The following STAG1 variants were observed in gnomAD, a reference collection of about 807,000 sequenced individuals.
The protein encoded by STAG1 is STAG1 cohesin complex component, also known as cohesin subunit SA-1.
A neutral mutation model predicts 170.9 loss-of-function variants in STAG1; 26 were observed. That is an observed-to-expected ratio of 0.15 (90% CI 0.11 to 0.21). STAG1 has a LOEUF of 0.21. STAG1 is among the 10% of genes least tolerant of loss of function. STAG1 has a pLI of 1.00. For missense variants in STAG1, 964 were observed against 1,509.5 expected (o/e 0.64, Z 5.99); for synonymous variants, 514 against 497.7 (o/e 1.03, Z -0.44).
chr3:136,378,403 A>C (rs185907025), intron 22 of STAG1, among the ~76,000 whole-genome samples: 95 of 152,350 alleles, frequency 6.2e-4, no homozygotes, highest in African/African-American at 2.2e-3. Flanking sequence ...GTCCAAAAGG[A>C]AATTTCAAGT....
intron 22 of STAG1, among the ~76,000 whole-genome samples, chr3:136,396,209 G>GTTTTTTTTTTTTTTTT (rs1157402968): frequency 1.1e-5 from 1 of 87,952 alleles, no homozygotes; most frequent in Non-Finnish European, 2.1e-5. Flanking sequence ...GTGTAACACA[G>GTTTTTTTTTTTTTTTT]TTTTTTTTTT....
chr3:136,360,710 C>T (rs1388809119), intron 26 of STAG1, among the ~76,000 whole-genome samples: 1 of 152,044 alleles, frequency 6.6e-6, no homozygotes, highest in African/African-American at 2.4e-5. Context: ...GCTCTGTCAC[C>T]CAGGCTGGAG....
chr3:136,700,449 C>T (rs1264847125), intron 1 of STAG1, among the ~76,000 whole-genome samples: 3 of 148,444 alleles, frequency 2.0e-5, no homozygotes, highest in African/African-American at 5.0e-5. Context: ...GACAGAATTT[C>T]GCTCTTGTTG....
At chr3:136,512,359 T>G (rs1441654727) in intron 7 of STAG1, among the ~76,000 whole-genome samples, 1 of 152,068 alleles carries the variant, frequency 6.6e-6, no homozygotes, top group African/African-American at 2.4e-5. Context: ...CATCAGCTAT[T>G]AGAAGTAGTA....
At chr3:136,580,475 G>A (rs1233310640) in intron 4 of STAG1, among the ~76,000 whole-genome samples, 1 of 151,048 alleles carries the variant, frequency 6.6e-6, no homozygotes, top group African/African-American at 2.4e-5. Context: ...TACAAAGTAG[G>A]CAAACAAATC....
At chr3:136,413,875 G>A (rs2087699877) in intron 21 of STAG1, among the ~76,000 whole-genome samples, 1 of 152,108 alleles carries the variant, frequency 6.6e-6, no homozygotes, top group African/African-American at 2.4e-5. Flanking sequence ...TATAGCGCAA[G>A]TTTACTCCCA....
intron 5 of STAG1, among the ~76,000 whole-genome samples, chr3:136,559,727 T>C (rs1249600729): frequency 6.6e-6 from 1 of 152,224 alleles, no homozygotes; most frequent in Admixed American, 6.5e-5. Context: ...CAACTTGCAA[T>C]CTCAACATCT....
intron 25 of STAG1, 29 bp downstream of exon 25, chr3:136,366,914 A>G: frequency 6.5e-7 from 1 of 1,528,306 alleles, no homozygotes; most frequent in Non-Finnish European, 8.9e-7. Context: ...AGTTAGAGGA[A>G]GGAGAAAAAT....
chr3:136,644,460 T>G (rs1436804338), intron 1 of STAG1, among the ~76,000 whole-genome samples: 1 of 152,210 alleles, frequency 6.6e-6, no homozygotes, highest in African/African-American at 2.4e-5. Flanking sequence ...TTCTCCTCTT[T>G]ATTTCTCTAG....
chr3:136,419,541 T>C (rs2107725092), intron 20 of STAG1, among the ~76,000 whole-genome samples: 1 of 151,930 alleles, frequency 6.6e-6, no homozygotes, highest in East Asian at 1.9e-4. Flanking sequence ...GCCTCCTGGG[T>C]TCAAGCGATT....
chr3:136,506,476 C>CAAAAAAAAA (rs11414654), intron 7 of STAG1, among the ~76,000 whole-genome samples: 20 of 85,254 alleles, frequency 2.3e-4, no homozygotes, highest in East Asian at 4.2e-4. Flanking sequence ...ACTAAAAATA[C>CAAAAAAAAA]AAAAAAAAAA....
intron 7 of STAG1, among the ~76,000 whole-genome samples, chr3:136,513,498 C>T (rs1208548404): frequency 2.0e-5 from 3 of 152,030 alleles, no homozygotes; most frequent in African/African-American, 7.2e-5. Flanking sequence ...TGTATCATCA[C>T]AAAATTTCAG....
intron 3 of STAG1, among the ~76,000 whole-genome samples, chr3:136,618,237 C>CACT (rs1222872042): frequency 2.6e-5 from 4 of 152,266 alleles, no homozygotes; most frequent in African/African-American, 9.6e-5. Context: ...CTCACCCCGT[C>CACT]ACTCTCTTTA....
chr3:136,428,210 C>A (rs982442922), intron 16 of STAG1, among the ~76,000 whole-genome samples: 2 of 152,174 alleles, frequency 1.3e-5, no homozygotes, highest in African/African-American at 4.8e-5. Flanking sequence ...ATCAGGACTG[C>A]CCTTATCTGT....
At chr3:136,475,096 G>C (rs2089714522) in intron 10 of STAG1, among the ~76,000 whole-genome samples, 2 of 136,746 alleles carry the variant, frequency 1.5e-5, no homozygotes, top group Admixed American at 7.2e-5. Context: ...TCATTAGTCT[G>C]TTTCCTGCTT....
At chr3:136,748,811 G>A (rs1411499334) in intron 1 of STAG1, among the ~76,000 whole-genome samples, 2 of 151,934 alleles carry the variant, frequency 1.3e-5, no homozygotes, top group African/African-American at 2.4e-5. Context: ...TCTTTATAAC[G>A]TTTTAAATTT....
intron 7 of STAG1, among the ~76,000 whole-genome samples, chr3:136,515,118 G>A (rs944420960): frequency 1.2e-4 from 18 of 152,114 alleles, no homozygotes; most frequent in African/African-American, 3.4e-4. Flanking sequence ...TAATCTCAGC[G>A]CTTTGGGAGG....
At chr3:136,626,569 CTA>C (rs1272510420) in intron 2 of STAG1, among the ~76,000 whole-genome samples, 1 of 152,126 alleles carries the variant, frequency 6.6e-6, no homozygotes, top group Non-Finnish European at 1.5e-5. Flanking sequence ...ATGGGTGTGG[CTA>C]TGTTTCAACA....
chr3:136,572,722 T>C (rs975781090), intron 4 of STAG1, among the ~76,000 whole-genome samples: 2 of 151,736 alleles, frequency 1.3e-5, no homozygotes, highest in African/African-American at 2.4e-5. Context: ...CAGATATATA[T>C]AACTTCCACT....
Sources: gnomAD v4.1 joint callset for allele counts (sites outside exome capture counted in the v4.1 genomes callset) on GRCh38, gnomAD v4.1.1 for gene constraint, MANE v1.5 for transcripts, NCBI Gene and HGNC (gene_info 2026-07-23, HGNC 2026-07-21) for gene names.